The following AKT3 variants were observed in gnomAD, a reference collection of about 807,000 sequenced individuals.
AKT3 encodes the protein RAC-gamma serine/threonine-protein kinase.
Under a neutral mutation model 65.3 loss-of-function variants are expected in AKT3, and 15 were observed. The ratio of observed to expected loss-of-function variants is 0.23; its 90% CI spans 0.15 to 0.35. The LOEUF (loss-of-function observed/expected upper bound fraction) is 0.35, where lower values mean the gene tolerates loss of function less well. AKT3 is among the 10% of genes least tolerant of loss of function. The probability of loss-of-function intolerance (pLI) is 1.00; values close to 1 mark genes in which losing one functional copy is unlikely to be tolerated. For synonymous variants in AKT3, 206 were observed against 183.8 expected, an observed-to-expected ratio of 1.12 and a Z score of -0.98; for missense variants, 243 against 576.5, an observed-to-expected ratio of 0.42 and a Z score of 5.92.
chr1:243,631,080 T>C (rs1160983350), intron 6 of AKT3, among the ~76,000 whole-genome samples: 5 of 152,164 alleles, frequency 3.3e-5, no homozygotes, highest in African/African-American at 2.4e-5. Context: ...TCCCAGTGCA[T>C]ATAAGTTATG....
chr1:243,618,707 G>A (rs7556516), intron 6 of AKT3, among the ~76,000 whole-genome samples: 34,501 of 151,736 alleles, frequency 0.23, 4,227 homozygotes, highest in African/African-American at 0.31. Flanking sequence ...AGGGGGAATG[G>A]GATTTTATTT....
chr1:243,646,875 A>G (rs968738909), intron 4 of AKT3, among the ~76,000 whole-genome samples: 2 of 152,180 alleles, frequency 1.3e-5, no homozygotes, highest in South Asian at 2.1e-4. Context: ...AGTTTGAACA[A>G]TCAGTCTCAG....
chr1:243,723,137 T>A (rs993372178), intron 2 of AKT3, among the ~76,000 whole-genome samples: 3 of 152,132 alleles, frequency 2.0e-5, no homozygotes, highest in Non-Finnish European at 4.4e-5. Context: ...TCAATCACAA[T>A]ATAACGAAAA....
intron 4 of AKT3, among the ~76,000 whole-genome samples, chr1:243,649,367 T>TGG (rs1681116085): frequency 6.8e-6 from 1 of 147,978 alleles, no homozygotes; most frequent in African/African-American, 2.6e-5. Context: ...GTATGTTGGG[T>TGG]GTGTGTGTGT....
chr1:243,849,181 C>G (rs908151530), intron 1 of AKT3, among the ~76,000 whole-genome samples: 25 of 152,202 alleles, frequency 1.6e-4, no homozygotes, highest in African/African-American at 6.0e-4. Flanking sequence ...CGGACCGATG[C>G]GCCGGAGGAG....
chr1:243,511,053 A>G (rs1456635040), intron 13 of AKT3, among the ~76,000 whole-genome samples: 1 of 152,238 alleles, frequency 6.6e-6, no homozygotes, highest in Non-Finnish European at 1.5e-5. Context: ...TGTGACTCTT[A>G]GTGATTCTAA....
At chr1:243,835,507 C>T (rs1163972201) in intron 2 of AKT3, among the ~76,000 whole-genome samples, 1 of 151,946 alleles carries the variant, frequency 6.6e-6, no homozygotes, top group African/African-American at 2.4e-5. Flanking sequence ...AAAAGCAATG[C>T]AAGCTAAAAT....
At chr1:243,769,225 T>A (rs1271062227) in intron 2 of AKT3, among the ~76,000 whole-genome samples, 1 of 152,228 alleles carries the variant, frequency 6.6e-6, no homozygotes, top group Non-Finnish European at 1.5e-5. Context: ...TACAGTTGAT[T>A]GGACATTTGT....
At chr1:243,655,618 T>G (rs1681718796) in intron 4 of AKT3, among the ~76,000 whole-genome samples, 1 of 152,218 alleles carries the variant, frequency 6.6e-6, no homozygotes, top group Non-Finnish European at 1.5e-5. Context: ...CCTAGAAAAC[T>G]AGCAAAGTTG....
At chr1:243,618,295 G>A (rs762875486) in intron 6 of AKT3, among the ~76,000 whole-genome samples, 35 of 152,012 alleles carry the variant, frequency 2.3e-4, no homozygotes, top group Non-Finnish European at 4.0e-4. Context: ...ATACCAAAAT[G>A]TATTTTCTAA....
chr1:243,570,640 C>T (rs1674487992), intron 9 of AKT3, among the ~76,000 whole-genome samples: 3 of 152,128 alleles, frequency 2.0e-5, no homozygotes, highest in Non-Finnish European at 4.4e-5. Context: ...AAATTAAAGA[C>T]CAGCTCAAAA....
intron 2 of AKT3, among the ~76,000 whole-genome samples, chr1:243,819,585 G>A (rs1042183317): frequency 6.6e-6 from 1 of 152,224 alleles, no homozygotes; most frequent in Admixed American, 6.5e-5. Context: ...GAGGAATCCA[G>A]GTAGTCCAGA....
intron 6 of AKT3, among the ~76,000 whole-genome samples, chr1:243,627,517 T>C (rs1027329209): frequency 2.6e-5 from 4 of 152,182 alleles, no homozygotes; most frequent in Non-Finnish European, 2.9e-5. Flanking sequence ...TTCGAAGGGA[T>C]TCTGACTTGA....
chr1:243,674,652 C>G (rs184873642), intron 3 of AKT3, among the ~76,000 whole-genome samples: 2 of 152,278 alleles, frequency 1.3e-5, no homozygotes. Context: ...GTCTAATACT[C>G]TGCTGGACTA....
chr1:243,791,352 T>C (rs1035796733), intron 2 of AKT3, among the ~76,000 whole-genome samples: 4 of 151,794 alleles, frequency 2.6e-5, no homozygotes, highest in Admixed American at 2.0e-4. Context: ...GAACCCACAA[T>C]GGGTATGAGA....
chr1:243,638,729 T>C (rs539754656), intron 5 of AKT3, among the ~76,000 whole-genome samples: 2 of 152,218 alleles, frequency 1.3e-5, no homozygotes, highest in African/African-American at 4.8e-5. Flanking sequence ...CTGAAAATTT[T>C]AGTGCCTTTT....
Position 243,796,514 on chromosome 1 carries a change from A to C in AKT3, c.46+46611T>G, listed in dbSNP as rs1280841164. ...AGCTTCTCACTCCACTTAAAAGCCA[A>C]GGTCTTTCAAAGCCTAAAATAATAC... On this transcript the variant is annotated intron_variant, in intron 2 of 13. Transcript: ENST00000673466. Among the ~76,000 whole-genome samples, 4 of 152,334 alleles carry C rather than the reference A, an allele frequency of 2.6e-5. No individual in the cohort carries two copies. The East Asian group carries it at 7.7e-4, about 29-fold the overall frequency.
intron 2 of AKT3, among the ~76,000 whole-genome samples, chr1:243,779,100 T>C (rs866319503): frequency 6.6e-6 from 1 of 152,240 alleles, no homozygotes; most frequent in Middle Eastern, 3.4e-3. Context: ...TCCAGCCTCA[T>C]GCAGATATGA....
At chr1:243,528,561 G>A (rs1671312168) in intron 12 of AKT3, among the ~76,000 whole-genome samples, 1 of 152,146 alleles carries the variant, frequency 6.6e-6, no homozygotes, top group Admixed American at 6.6e-5. Flanking sequence ...ACTTGTAAGT[G>A]AGAATATGCG....
Sources: gnomAD v4.1 joint callset for allele counts (sites outside exome capture counted in the v4.1 genomes callset) on GRCh38, gnomAD v4.1.1 for gene constraint, MANE v1.5 for transcripts, NCBI Gene and HGNC (gene_info 2026-07-23, HGNC 2026-07-21) for gene names.